Variants in ASAP1 observed in about 807,000 individuals in gnomAD.
The protein encoded by ASAP1 is ArfGAP with SH3 domain, ankyrin repeat and PH domain 1, also known as arf-GAP with SH3 domain, ANK repeat and PH domain-containing protein 1.
In ASAP1, 43 loss-of-function variants were observed where a neutral mutation model predicts 145.2. The ratio of observed to expected loss-of-function variants is 0.30; its 90% CI spans 0.23 to 0.38. The LOEUF (loss-of-function observed/expected upper bound fraction) is 0.38. Among genes scored for constraint, ASAP1 ranks in the 10% least tolerant of loss-of-function variants. The pLI is 1.00. For synonymous variants in ASAP1, 546 were observed against 515.5 expected (o/e 1.06, Z -0.80); for missense variants, 1,018 against 1,355.3 (o/e 0.75, Z 3.91).
chr8:130,076,130 T>C (rs1427521831), intron 27 of ASAP1, among the ~76,000 whole-genome samples: 4 of 152,196 alleles, frequency 2.6e-5, no homozygotes, highest in Non-Finnish European at 5.9e-5. Flanking sequence ...AAAATTATTA[T>C]GTATTCTGGA....
At chr8:130,357,367 C>G (rs1826385170) in intron 3 of ASAP1, among the ~76,000 whole-genome samples, 1 of 152,242 alleles carries the variant, frequency 6.6e-6, no homozygotes, top group Non-Finnish European at 1.5e-5. Context: ...GTCCTGCTGG[C>G]GCAGCAGCCC....
intron 13 of ASAP1, among the ~76,000 whole-genome samples, chr8:130,149,357 A>AT (rs879913571): frequency 5.3e-5 from 8 of 151,460 alleles, no homozygotes; most frequent in East Asian, 1.9e-4. Context: ...TGGTAAAAGA[A>AT]TTTTTTTTGT....
chr8:130,276,006 T>C (rs1383684805), intron 3 of ASAP1, among the ~76,000 whole-genome samples: 1 of 152,174 alleles, frequency 6.6e-6, no homozygotes, highest in Non-Finnish European at 1.5e-5. Context: ...GACAGAGTGA[T>C]CAAGGAAAGA....
chr8:130,294,322 CAGAAAGGT>C (rs1289864315), intron 3 of ASAP1, among the ~76,000 whole-genome samples: 21 of 152,218 alleles, frequency 1.4e-4, no homozygotes, highest in African/African-American at 3.9e-4. Context: ...CACGGAGCGT[CAGAAAGGT>C]GACACTGATT....
intron 2 of ASAP1, among the ~76,000 whole-genome samples, chr8:130,360,399 C>T (rs1174029256): frequency 6.6e-6 from 1 of 152,208 alleles, no homozygotes; most frequent in Non-Finnish European, 1.5e-5. Flanking sequence ...GTTGAGTTCA[C>T]TGATGATGGA....
intron 4 of ASAP1, among the ~76,000 whole-genome samples, chr8:130,235,515 C>A (rs1015282822): frequency 2.6e-5 from 4 of 152,174 alleles, no homozygotes; most frequent in African/African-American, 9.6e-5. Flanking sequence ...ACATAAGGGC[C>A]TACCACAGTG....
chr8:130,217,635 A>T (rs1405658687), intron 4 of ASAP1, among the ~76,000 whole-genome samples: 4 of 151,998 alleles, frequency 2.6e-5, no homozygotes, highest in Non-Finnish European at 5.9e-5. Flanking sequence ...CCCAATGGAC[A>T]CTGCTGTAGT....
At chr8:130,367,756 T>C (rs899185601) in intron 2 of ASAP1, among the ~76,000 whole-genome samples, 17 of 152,224 alleles carry the variant, frequency 1.1e-4, no homozygotes, top group Admixed American at 2.6e-4. Flanking sequence ...AAGAACTGTC[T>C]GGAGGTCTTC....
chr8:130,361,889 A>G, intron 2 of ASAP1: 1 of 720,348 alleles, frequency 1.4e-6, no homozygotes, highest in East Asian at 2.7e-5. Flanking sequence ...GCACACACAT[A>G]TTTGTGTGCA....
intron 3 of ASAP1, among the ~76,000 whole-genome samples, chr8:130,346,419 T>G (rs916553930): frequency 6.6e-6 from 1 of 152,248 alleles, no homozygotes; most frequent in African/African-American, 2.4e-5. Context: ...TCCTGTTTGT[T>G]CTTTTTCATT....
intron 23 of ASAP1, among the ~76,000 whole-genome samples, chr8:130,114,120 G>A (rs578057864): frequency 2.0e-5 from 3 of 152,278 alleles, no homozygotes; most frequent in African/African-American, 7.2e-5. Flanking sequence ...TAACGTAAGT[G>A]CTTAAATCTG....
At chr8:130,215,769 A>C (rs531087071) in intron 4 of ASAP1, among the ~76,000 whole-genome samples, 9 of 151,802 alleles carry the variant, frequency 5.9e-5, no homozygotes, top group Non-Finnish European at 8.8e-5. Context: ...ACAACAACAA[A>C]AAACAATTAG....
intron 3 of ASAP1, among the ~76,000 whole-genome samples, chr8:130,277,103 C>A (rs546723873): frequency 2.2e-4 from 34 of 152,250 alleles, no homozygotes; most frequent in Non-Finnish European, 4.6e-4. Context: ...CCGAGGGCCC[C>A]CCATCCCAGA....
chr8:130,060,822 T>C lies in ASAP1; in HGVS notation c.2949A>G (p.Lys983=). ...TGGGGGGCAGGTCCTTCATCTGTGG[T>C]TTGGGAGGTAAGTCTGAGAGTTGGG... ...PKPQLSDLPP[K]PQMKDLPPKP... is the part of the protein sequence containing the mutation. Residue 983 remains lysine, a synonymous_variant, in exon 28 of 30, where the codon AAA becomes AAG. Transcript: ENST00000518721. 6.2e-7 allele frequency: 1 copy of C among 1,612,986 alleles called. No individual in the cohort carries two copies. The highest frequency in any genetic ancestry group is 8.5e-7 in the Non-Finnish European group (1 of 1,179,692).
chr8:130,388,596 G>T (rs1350508286), intron 2 of ASAP1, among the ~76,000 whole-genome samples: 1 of 152,178 alleles, frequency 6.6e-6, no homozygotes, highest in African/African-American at 2.4e-5. Context: ...ATATTTAGAG[G>T]TAAGTTGGAG....
At chr8:130,391,184 C>T (rs116018422) in intron 2 of ASAP1, among the ~76,000 whole-genome samples, 1 of 151,968 alleles carries the variant, frequency 6.6e-6, no homozygotes, top group East Asian at 1.9e-4. Context: ...AACAAAAAGA[C>T]AAATATTGTA....
Position 130,072,826 on chromosome 8 carries a change from C to CGCGT in ASAP1, c.2701+3521_2701+3522insACGC, listed in dbSNP as rs1554816422. Among the ~76,000 whole-genome samples the CGCGT allele has an allele frequency of 1.0e-2, 138 of 13,820 alleles. 14 individuals carry two copies. The highest frequency in any genetic ancestry group is 0.018 in the African/African-American group (91 of 5,046). The allele number at this position is 13,820 out of a possible 152,430, so 9.1% of individuals were successfully genotyped here. ...GTGTGTGTGTGTGTGTGTGTGTGTGCGCGCGGGGGGGGGCAGTTTTGGGGA... is the reference window on the plus strand; with the variant it reads ...GTGTGTGTGTGTGTGTGTGTGTGTGCGCGTGCGCGGGGGGGGGCAGTTTTGGGGA... On this transcript the variant is annotated intron_variant, in intron 27 of 29. Transcript: ENST00000518721.
In ASAP1 at chr8:130,358,188, C is replaced by A. The variant is rs561269520; in HGVS notation, c.60-45G>T. 7 of 1,554,892 alleles carry A rather than the reference C, an allele frequency of 4.5e-6. No individual in the cohort carries two copies. The highest frequency in any genetic ancestry group is 2.4e-5 in the East Asian group (1 of 42,020). On this transcript the variant is annotated intron_variant, in intron 2 of 29. Coordinates refer to ENST00000518721, the MANE Select transcript of ASAP1 (RefSeq NM_018482.4). This position sits in a 1 kb window ranked among gnomAD's most constrained non-coding sequence, Gnocchi z 4.1. ...ACAAGCGGGGGCGGGGGGTGAGTCA[C>A]GGCGCAGGCTCCCGGGGCCGCGGGC...
intron 3 of ASAP1, among the ~76,000 whole-genome samples, chr8:130,244,354 T>C (rs1423472011): frequency 6.6e-6 from 1 of 152,118 alleles, no homozygotes; most frequent in African/African-American, 2.4e-5. Flanking sequence ...GAACAGATGG[T>C]CCCGGAATCT....
Sources: gnomAD v4.1 joint callset for allele counts (sites outside exome capture counted in the v4.1 genomes callset) on GRCh38, gnomAD v4.1.1 for gene constraint, Gnocchi (gnomAD v3.1) non-coding constraint, MANE v1.5 for transcripts, NCBI Gene and HGNC (gene_info 2026-07-23, HGNC 2026-07-21) for gene names.